Variants in ZNF317 observed in about 807,000 individuals in gnomAD.
The protein encoded by ZNF317 is zinc finger protein 317, also known as KRAB-containing zinc finger protein 317.
Under a neutral mutation model 23.4 loss-of-function variants are expected in ZNF317, and 17 were observed. The observed-to-expected ratio is 0.73, with a 90% confidence interval of 0.50 to 1.09. ZNF317 has a LOEUF of 1.09. Among genes scored for constraint, ZNF317 ranks in the 50% least tolerant of loss-of-function variants. ZNF317 has a pLI of 0.00. For missense variants in ZNF317, 679 were observed against 796.7 expected (o/e 0.85, Z 1.78); for synonymous variants, 317 against 314.9 (o/e 1.01, Z -0.07).
In ZNF317 at chr19:9,160,931, A is replaced by T. The variant is rs1445582930; in HGVS notation, c.1286A>T (p.Asn429Ile). The T allele has an allele frequency of 1.2e-6, 2 of 1,614,062 alleles. No homozygotes were observed. The highest frequency in any genetic ancestry group is 1.7e-6 in the Non-Finnish European group (2 of 1,180,042). The change falls in exon 7 of 7, where the codon AAC (asparagine) becomes ATC (isoleucine). Residue 429 changes from asparagine to isoleucine, a missense_variant. Physicochemically the swap from Asn to Ile is moderately radical, Grantham distance 149. Coordinates refer to ENST00000247956, the MANE Select transcript of ZNF317 (RefSeq NM_020933.5). This position sits in a 1 kb window ranked among gnomAD's most constrained non-coding sequence, Gnocchi z 6.8. ...ECRQCGKTFR[N>I]QSILKTHMNS... is the part of the protein sequence containing the mutation. Reference sequence around the variant, plus strand: ...CGGCAGTGCGGGAAGACCTTCCGAAACCAGTCCATCCTTAAGACTCACATG... The same window carrying T: ...CGGCAGTGCGGGAAGACCTTCCGAATCCAGTCCATCCTTAAGACTCACATG...
intron 1 of ZNF317, among the ~76,000 whole-genome samples, chr19:9,154,708 T>C (rs1390455069): frequency 1.3e-5 from 2 of 152,194 alleles, no homozygotes; most frequent in East Asian, 1.9e-4. Flanking sequence ...TGGATATAAA[T>C]TGTTTACAGT....
chr19:9,153,760 A>T (rs920754583), intron 1 of ZNF317, among the ~76,000 whole-genome samples: 1 of 152,214 alleles, frequency 6.6e-6, no homozygotes, highest in African/African-American at 2.4e-5. Flanking sequence ...ATTCTCAAAG[A>T]AAATAGACAC....
intron 1 of ZNF317, among the ~76,000 whole-genome samples, chr19:9,143,704 G>C (rs918059142): frequency 6.7e-6 from 1 of 150,162 alleles, no homozygotes; most frequent in African/African-American, 2.4e-5. Flanking sequence ...TGAGAGCTCT[G>C]GTGGTGGCTT....
chr19:9,157,145 CG>C, intron 3 of ZNF317, 122 bp from the exon 4 acceptor site: 1 of 1,238,140 alleles, frequency 8.1e-7, no homozygotes, highest in South Asian at 1.5e-5. Context: ...TGTTGAGCCC[CG>C]TAGCAGGCCA....
chr19:9,158,944 C>A, intron 6 of ZNF317, 36 bp downstream of exon 6: 1 of 1,488,692 alleles, frequency 6.7e-7, no homozygotes, highest in Non-Finnish European at 9.4e-7. Context: ...GATCTTCCTT[C>A]CACGTCTGAG....
At chr19:9,146,028 T>C (rs898744426) in intron 1 of ZNF317, among the ~76,000 whole-genome samples, 2 of 152,126 alleles carry the variant, frequency 1.3e-5, no homozygotes, top group Admixed American at 1.3e-4. Flanking sequence ...ATCTAAAAGC[T>C]ATTTACTTAG....
intron 1 of ZNF317, among the ~76,000 whole-genome samples, chr19:9,155,355 AG>A (rs2050772732): frequency 6.6e-6 from 1 of 152,204 alleles, no homozygotes; most frequent in Non-Finnish European, 1.5e-5. Context: ...AGGTGGCAGA[AG>A]CATAGGTGGC....
At chr19:9,159,545 G>T (rs1022717634) in intron 6 of ZNF317, among the ~76,000 whole-genome samples, 24 of 146,722 alleles carry the variant, frequency 1.6e-4, no homozygotes, top group Non-Finnish European at 2.9e-4. Flanking sequence ...TGTTGTTTTT[G>T]TTTTTTGTTT....
At chr19:9,156,869 G>C in intron 3 of ZNF317, 121 bp downstream of exon 3, 3 of 1,253,516 alleles carry the variant, frequency 2.4e-6, no homozygotes, top group Non-Finnish European at 3.3e-6. Context: ...CAGGGCCCAA[G>C]AGAGAGCCAA....
intron 1 of ZNF317, among the ~76,000 whole-genome samples, chr19:9,150,776 T>C (rs957898774): frequency 6.6e-6 from 1 of 152,166 alleles, no homozygotes; most frequent in Non-Finnish European, 1.5e-5. Flanking sequence ...AGGGTCAAGA[T>C]GTAGTGTCAA....
chr19:9,153,284 C>T (rs921586024), intron 1 of ZNF317, among the ~76,000 whole-genome samples: 5 of 152,138 alleles, frequency 3.3e-5, no homozygotes, highest in African/African-American at 1.2e-4. Context: ...GCCTCAGCCT[C>T]CCGAGTAGCT....
At chr19:9,153,185 TGA>T (rs1357586266) in intron 1 of ZNF317, among the ~76,000 whole-genome samples, 1 of 151,974 alleles carries the variant, frequency 6.6e-6, no homozygotes, top group Non-Finnish European at 1.5e-5. Flanking sequence ...TGTTTGAGAC[TGA>T]GTCTCGCTCT....
Position 9,158,033 on chromosome 19 carries a change from C to T in ZNF317, c.343C>T (p.Pro115Ser). The change falls in exon 5 of 7, where the codon CCG becomes TCG. Residue 115 changes from proline to serine, a missense_variant. Physicochemically the swap from Pro to Ser is moderately conservative, Grantham distance 74 (BLOSUM62 -1). Coordinates refer to ENST00000247956, the MANE Select transcript of ZNF317 (RefSeq NM_020933.5). ...LISHLEQEEE[P>S]RTEERGAHQG... is the part of the protein sequence containing the mutation. ...CTCACACTTGGAGCAGGAGGAGGAG[C>T]CGAGGACAGAGGAGAGGGGCGCTCA... The T allele has an allele frequency of 6.4e-7, 1 of 1,551,468 alleles. No homozygotes were observed. Among genetic ancestry groups the T allele is most frequent in the South Asian group, 1.2e-5 (1 of 84,048 alleles).
intron 5 of ZNF317, 77 bp downstream of exon 5, chr19:9,158,152 G>A (rs2050806561): frequency 1.4e-6 from 2 of 1,456,868 alleles, no homozygotes; most frequent in Non-Finnish European, 1.8e-6. Flanking sequence ...AGGTAGGTTA[G>A]GGAGTGTCAC....
chr19:9,159,043 T>C (rs2050819153), intron 6 of ZNF317, 135 bp downstream of exon 6: 6 of 641,514 alleles, frequency 9.4e-6, no homozygotes, highest in South Asian at 1.9e-5. Flanking sequence ...AGACACTGGG[T>C]ATTACCAAGA....
rs1213048006 is a variant in ZNF317 at position 9,149,801 on chromosome 19, A to C, written c.-92-6124A>C. Among the ~76,000 whole-genome samples the C allele has an allele frequency of 2.6e-5, 4 of 152,136 alleles. No individual in the cohort carries two copies. The East Asian group carries it at 5.8e-4, about 22-fold the overall frequency. ...GGTGTGATCTTCATTTTACCCATAA[A>C]GTTACGGCTGTCATGGAAGCTAAGG... On this transcript the variant is annotated intron_variant, in intron 1 of 6. Transcript: ENST00000247956.
At position 9,160,001 on chromosome 19, in the gene ZNF317, C is replaced by G. The variant is rs1430195276; in HGVS notation, c.469-113C>G. The G allele has an allele frequency of 6.8e-7, 1 of 1,478,976 alleles. No homozygotes were observed. The highest frequency in any genetic ancestry group is 9.2e-7 in the Non-Finnish European group (1 of 1,085,886). The allele number at this position is 1,478,976 out of a possible 1,614,324, so 91.6% of individuals were successfully genotyped here. ...GTTTGCACGGCAGATGGTTACAGCT[C>G]TAGTCATAGTAATGTGCTTCTATCT... On this transcript the variant is annotated intron_variant, in intron 6 of 6. Coordinates refer to ENST00000247956, the MANE Select transcript of ZNF317 (RefSeq NM_020933.5). This position sits in a 1 kb window ranked among gnomAD's most constrained non-coding sequence, Gnocchi z 6.8.
chr19:9,150,196 G>A (rs2050724090), intron 1 of ZNF317, among the ~76,000 whole-genome samples: 1 of 152,182 alleles, frequency 6.6e-6, no homozygotes, highest in South Asian at 2.1e-4. Context: ...AGTCATTCTG[G>A]GTGGGGCAGG....
rs151013441 is a variant in ZNF317 at position 9,160,162 on chromosome 19, G to A, written c.517G>A (p.Glu173Lys). Residue 173 changes from glutamate to lysine, a missense_variant, in exon 7 of 7, where the codon GAA becomes AAA. By Grantham distance (56) the Glu-to-Lys change is moderately conservative. Transcript: ENST00000247956. This position sits in a 1 kb window ranked among gnomAD's most constrained non-coding sequence, Gnocchi z 6.8. ...EKSTEYAHLF[E>K]VFGMDPHLTQ... is the part of the protein sequence containing the mutation. ...GTCCACTGAATACGCTCACTTGTTCGAAGTCTTTGGCATGGACCCTCATCT... is the reference window on the plus strand; with the variant it reads ...GTCCACTGAATACGCTCACTTGTTCAAAGTCTTTGGCATGGACCCTCATCT... 11 of 1,614,158 alleles carry A rather than the reference G, an allele frequency of 6.8e-6. No homozygotes were observed. The highest frequency in any genetic ancestry group is 4.5e-5 in the East Asian group (2 of 44,878).
Sources: allele counts gnomAD v4.1 joint callset (sites outside exome capture counted in the v4.1 genomes callset), GRCh38; gene constraint gnomAD v4.1.1; non-coding constraint Gnocchi (gnomAD v3.1); transcripts MANE v1.5; gene names NCBI Gene and HGNC (gene_info 2026-07-23, HGNC 2026-07-21).